Variants in PIEZO1 observed in about 807,000 individuals in gnomAD.
PIEZO1 encodes the protein piezo-type mechanosensitive ion channel component 1.
PIEZO1 carries 296 observed loss-of-function variants against 297.2 expected under a neutral mutation model. The ratio of observed to expected loss-of-function variants is 1.00; its 90% CI spans 0.91 to 1.10. The LOEUF is 1.10. Among genes scored for constraint, PIEZO1 ranks in the 50% least tolerant of loss-of-function variants. PIEZO1 has a pLI of 0.00. For synonymous variants in PIEZO1, 2,427 were observed against 1,507.5 expected (o/e 1.61, Z -14.13); for missense variants, 5,018 against 3,455.5 (o/e 1.45, Z -11.34).
In PIEZO1 at chr16:88,717,348, C is replaced by T. The variant is rs1166691215; in HGVS notation, c.6472-137G>A. 5.6e-6 allele frequency: 4 copies of T among 716,702 alleles called. No individual in the cohort carries two copies. The East Asian group carries it at 8.1e-5, about 15-fold the overall frequency. The allele number at this position is 716,702 out of a possible 1,614,324, so 44.4% of individuals were successfully genotyped here. ...ATGGCACAGCGGTAGTAATGGTGGG[C>T]AGACACAGGCCAGTGGAGTAGAACT... On this transcript the variant is annotated intron_variant, in intron 44 of 50. Coordinates refer to ENST00000301015, the MANE Select transcript of PIEZO1 (RefSeq NM_001142864.4).
rs548979236 is a variant in PIEZO1 at position 88,755,519 on chromosome 16, G to A, written c.65-6040C>T. On this transcript the variant is annotated intron_variant, in intron 1 of 50. Coordinates refer to ENST00000301015, the MANE Select transcript of PIEZO1 (RefSeq NM_001142864.4). ...GCACGATACGAGCCCCAGATCGGGC[G>A]TTTGGGTTCAGAGCTCTACCTGCCT... 4.6e-5 allele frequency among the ~76,000 whole-genome samples: 7 copies of A among 152,336 alleles called. No individual in the cohort carries two copies. The East Asian group carries it at 9.6e-4, about 21-fold the overall frequency.
chr16:88,721,720 C>G lies in PIEZO1; in HGVS notation c.5221G>C (p.Val1741Leu), dbSNP rs1011369377. ...MTAIVFTEIA[V>L]VVKYLFQFGF... Reference sequence around the variant, plus strand: ...AACTGGAACAGGTACTTGACGACCACCGCGATCTGTGGGGGAGGGGGCTCA... The same window carrying G: ...AACTGGAACAGGTACTTGACGACCAGCGCGATCTGTGGGGGAGGGGGCTCA... Residue 1741 changes from valine (V) to leucine (L), a missense_variant, in exon 38 of 51, where the codon GTG becomes CTG. By Grantham distance (32) the Val-to-Leu change is conservative. Coordinates refer to ENST00000301015, the MANE Select transcript of PIEZO1 (RefSeq NM_001142864.4). 3.9e-6 allele frequency: 6 copies of G among 1,541,774 alleles called. No individual in the cohort carries two copies. Among genetic ancestry groups the G allele is most frequent in the Non-Finnish European group, 5.2e-6 (6 of 1,143,114 alleles).
At chr16:88,759,985 G>A (rs1906852677) in intron 1 of PIEZO1, among the ~76,000 whole-genome samples, 1 of 151,948 alleles carries the variant, frequency 6.6e-6, no homozygotes, top group Admixed American at 6.6e-5. Flanking sequence ...GCTCCGCACA[G>A]GCTCCCAAAA....
intron 1 of PIEZO1, among the ~76,000 whole-genome samples, chr16:88,762,458 A>G (rs529334623): frequency 7.9e-5 from 12 of 152,240 alleles, no homozygotes; most frequent in Non-Finnish European, 1.8e-4. Context: ...CTGCTGCTCG[A>G]CAATCCCGGG....
At chr16:88,743,147 T>G in intron 2 of PIEZO1, 1 of 455,990 alleles carries the variant, frequency 2.2e-6, no homozygotes, top group South Asian at 1.5e-5. Context: ...GTGGCCCCAC[T>G]GGACTCAGCC....
chr16:88,723,204 G>T (rs1477206343), intron 32 of PIEZO1, 22 bp downstream of exon 32: 2 of 1,548,706 alleles, frequency 1.3e-6, no homozygotes, highest in Non-Finnish European at 1.7e-6. Context: ...TCCCCTCAGA[G>T]TCCCCACGCC....
intron 1 of PIEZO1, among the ~76,000 whole-genome samples, chr16:88,782,916 G>C (rs909820256): frequency 8.5e-5 from 13 of 152,362 alleles, no homozygotes; most frequent in African/African-American, 3.1e-4. Flanking sequence ...AAAACACTGA[G>C]TGAGGCCCAG....
chr16:88,746,230 C>CA (rs1451273704), intron 2 of PIEZO1, among the ~76,000 whole-genome samples: 1 of 152,054 alleles, frequency 6.6e-6, no homozygotes, highest in East Asian at 1.9e-4. Context: ...CTGGCAGAGC[C>CA]GGGGGACCAG....
Position 88,716,219 on chromosome 16 carries a change from G to A in PIEZO1, c.7108C>T (p.Pro2370Ser). The change falls in exon 49 of 51, where the codon CCT becomes TCT. Residue 2370 changes from proline (P) to serine (S), a missense_variant. By Grantham distance (74) the Pro-to-Ser change is moderately conservative. Transcript: ENST00000301015. ...IRAPNGPEANPVKQLQPNEEA... is the reference protein window; with the variant it reads ...IRAPNGPEANSVKQLQPNEEA... ...TCACTGGGCTGCAGCTGCTTCACAG[G>A]GTTGGCTTCGGGCCCGTTGGGGGCA... The A allele has an allele frequency of 1.3e-6, 2 of 1,498,388 alleles. No homozygotes were observed. The highest frequency in any genetic ancestry group is 1.8e-6 in the Non-Finnish European group (2 of 1,118,450). 92.8% of individuals were successfully genotyped at this position (1,498,388 alleles called of 1,614,324 possible).
At chr16:88,725,750 G>T (rs546581456) in intron 27 of PIEZO1, 66 bp from the exon 28 acceptor site, 4 of 838,072 alleles carry the variant, frequency 4.8e-6, no homozygotes, top group Non-Finnish European at 8.0e-6. Context: ...GGCAGCCGCC[G>T]CTCCCCGCTC....
rs1233801736 is a variant in PIEZO1, at chr16:88,716,861, A to T, written c.6698T>A (p.Ile2233Asn). 27 of 1,550,000 alleles carry T rather than the reference A, an allele frequency of 1.7e-5. No individual in the cohort carries two copies. The highest frequency in any genetic ancestry group is 2.4e-5 in the Non-Finnish European group (27 of 1,146,938). The change falls in exon 46 of 51, where the codon ATC (isoleucine) becomes AAC (asparagine). Residue 2233 changes from isoleucine (I) to asparagine (N), a missense_variant. By Grantham distance (149) the Ile-to-Asn change is moderately radical. Coordinates refer to ENST00000301015, the MANE Select transcript of PIEZO1 (RefSeq NM_001142864.4). ...CTCATAGGCCTGGGCCGTGAAGGGG[A>T]TGATGGACGGCTGCTGGGCGCTCAT... ...FTMSAQQPSIIPFTAQAYEEL... is the reference protein window; with the variant it reads ...FTMSAQQPSINPFTAQAYEEL...
intron 2 of PIEZO1, among the ~76,000 whole-genome samples, chr16:88,744,695 CAG>C (rs1456510697): frequency 6.6e-6 from 1 of 151,728 alleles, no homozygotes; most frequent in Non-Finnish European, 1.5e-5. Flanking sequence ...TCGGGCCGGC[CAG>C]AGTGTCCTGG....
chr16:88,718,005 C>T (rs756318075), intron 44 of PIEZO1: 2 of 331,620 alleles, frequency 6.0e-6, no homozygotes, highest in South Asian at 2.4e-5. Flanking sequence ...ATCGCTTGAA[C>T]CTGGGAGGCA....
At position 88,719,803 on chromosome 16, in the gene PIEZO1, C is replaced by T; in HGVS notation, c.6322G>A (p.Gly2108Arg). 6.4e-7 allele frequency: 1 copy of T among 1,550,500 alleles called. No homozygotes were observed. Among genetic ancestry groups the T allele is most frequent in the Non-Finnish European group, 8.7e-7 (1 of 1,146,936 alleles). ...YNHLNLFLFQ[G>R]FRLVPFLVEL... Reference sequence around the variant, plus strand: ...CCACCCCGGCGGACCTGCACTCACCCCTGGAAGAGGAAGAGGTTGAGATGA... The same window carrying T: ...CCACCCCGGCGGACCTGCACTCACCTCTGGAAGAGGAAGAGGTTGAGATGA... The change falls in exon 43 of 51, where the codon GGG becomes AGG. Residue 2108 changes from glycine to arginine, a missense_variant and splice_region_variant. Physicochemically the swap from Gly to Arg is moderately radical, Grantham distance 125. Coordinates refer to ENST00000301015, the MANE Select transcript of PIEZO1 (RefSeq NM_001142864.4).
At chr16:88,742,500 GC>G in intron 2 of PIEZO1, 78 bp from the exon 3 acceptor site, 1 of 1,455,100 alleles carries the variant, frequency 6.9e-7, no homozygotes, top group Non-Finnish European at 9.2e-7. Flanking sequence ...CCGGACAATA[GC>G]CCCCAGCCCG....
At chr16:88,777,923 G>A (rs1182398346) in intron 1 of PIEZO1, among the ~76,000 whole-genome samples, 1 of 152,186 alleles carries the variant, frequency 6.6e-6, no homozygotes, top group Non-Finnish European at 1.5e-5. Context: ...CTCCTTTGAC[G>A]CCCCTCCTGG....
At position 88,734,416 on chromosome 16, in the gene PIEZO1, T is replaced by A. The variant is rs1350663278; in HGVS notation, c.2120A>T (p.Gln707Leu). Residue 707 changes from glutamine to leucine, a missense_variant, in exon 16 of 51, where the codon CAG becomes CTG. By Grantham distance (113) the Gln-to-Leu change is moderately radical. Transcript: ENST00000301015. The part of the protein sequence containing the change: ...QLHYFHRPFM[Q>L]LTDMEHVSLP... ...GGACACGTGCTCCATGTCGGTGAGC[T>A]GCATGAAGGGCCTGTGGAAGTAGTG... is the stretch of plus-strand genomic sequence containing the variant. 1 of 1,549,554 alleles carries A rather than the reference T, an allele frequency of 6.5e-7. No individual in the cohort carries two copies.
At chr16:88,755,214 G>A (rs906034765) in intron 1 of PIEZO1, among the ~76,000 whole-genome samples, 3 of 152,218 alleles carry the variant, frequency 2.0e-5, no homozygotes, top group East Asian at 1.9e-4. Flanking sequence ...CGCCCCCGCC[G>A]CCCCCGCCAT....
Position 88,722,025 on chromosome 16 carries a change from G to A in PIEZO1, c.4997C>T (p.Ala1666Val), listed in dbSNP as rs561397138. 1.0e-3 allele frequency: 1,590 copies of A among 1,548,214 alleles called. 6 individuals are homozygous for A. Among genetic ancestry groups the A allele is most frequent in the Non-Finnish European group, 1.2e-3 (1,430 of 1,146,594 alleles). Residue 1666 changes from alanine (A) to valine (V), a missense_variant, in exon 37 of 51, where the codon GCG becomes GTG. Coordinates refer to ENST00000301015, the MANE Select transcript of PIEZO1 (RefSeq NM_001142864.4). ...CCGCAGCGCCCGGCCCTGCCCCTCC[G>A]CAAACAGCTCTGCCTCCTCCAGCTC... ...IPELEEAELF[A>V]EGQGRALRLL...
Sources: allele counts gnomAD v4.1 joint callset (sites outside exome capture counted in the v4.1 genomes callset), GRCh38; gene constraint gnomAD v4.1.1; transcripts MANE v1.5; gene names NCBI Gene and HGNC (gene_info 2026-07-23, HGNC 2026-07-21).